TASOR2: variants seen among roughly 807,000 people sequenced by gnomAD.
The protein encoded by TASOR2 is transcription activation suppressor family member 2, also known as protein TASOR 2.
Under a neutral mutation model 199.5 loss-of-function variants are expected in TASOR2, and 84 were observed. That is an observed-to-expected ratio of 0.42 (90% confidence interval 0.35 to 0.50). TASOR2 has a LOEUF of 0.50. TASOR2 is among the 20% of genes least tolerant of loss of function. TASOR2 has a pLI of 0.02. For synonymous variants in TASOR2, 1,103 were observed against 1,046.6 expected, an observed-to-expected ratio of 1.05 and a Z score of -1.04; for missense variants, 2,796 against 2,835.9, an observed-to-expected ratio of 0.99 and a Z score of 0.32.
chr10:5,749,969 GTACCTT>G (rs769242419), exon 15 of TASOR2: 20 of 1,613,624 alleles, frequency 1.2e-5, no homozygotes, highest in Non-Finnish European at 1.6e-5. Flanking sequence ...GCTTGTAAAA[GTACCTT>G]CCTGTTCTAC....
intron 7 of TASOR2, 74 bp downstream of exon 8, chr10:5,723,851 T>C (rs1458367021): frequency 1.1e-6 from 1 of 890,420 alleles, no homozygotes; most frequent in Non-Finnish European, 1.7e-6. Context: ...TTCCAAACAC[T>C]CACACATGCA....
At chr10:5,697,612 G>C (rs980738335) in intron 1 of TASOR2, among the ~76,000 whole-genome samples, 1 of 152,120 alleles carries the variant, frequency 6.6e-6, no homozygotes, top group Non-Finnish European at 1.5e-5. Flanking sequence ...GTGTCTCTAA[G>C]AGGCAAGCAG....
Position 5,742,249 on chromosome 10 carries a change from A to C in TASOR2, c.2480A>C (p.Asn827Thr). 1 of 1,614,208 alleles carries C rather than the reference A, an allele frequency of 6.2e-7. No individual in the cohort carries two copies. Among genetic ancestry groups the C allele is most frequent in the Non-Finnish European group, 8.5e-7 (1 of 1,180,028 alleles). The change falls in exon 14 of 21, where the codon AAT (asparagine) becomes ACT (threonine). Residue 827 changes from asparagine to threonine, a missense_variant. This residue lies in a region of TASOR2 where 1,941 missense variants were observed against 1,924.9 expected (regional missense o/e 1.01). Transcript: ENST00000328090. This position sits in a 1 kb window ranked among gnomAD's most constrained non-coding sequence, Gnocchi z 4.2. ...AACCCAGCAAAATATGTGTCTATAA[A>C]TAGCACGTTAGAATCTTGTGAGCTC...
intron 8 of TASOR2, 58 bp from the exon 10 acceptor site, chr10:5,726,827 G>A: frequency 6.8e-7 from 1 of 1,462,336 alleles, no homozygotes. Flanking sequence ...TATGGGTAGA[G>A]GGAGAAGAGA....
chr10:5,696,328 C>G (rs528686323), intron 1 of TASOR2, among the ~76,000 whole-genome samples: 1 of 152,206 alleles, frequency 6.6e-6, no homozygotes, highest in East Asian at 1.9e-4. Flanking sequence ...GGTCAGGAAG[C>G]ATTGTTCACG....
chr10:5,738,600 C>T lies in TASOR2; in HGVS notation c.1448-1018C>T, dbSNP rs78298071. The stretch of plus-strand genomic sequence containing the variant: ...ACCCTTTCCCCATGTATGTGCATGC[C>T]CTTGTCGTTCTAATTGATGACATCA... On this transcript the variant is annotated intron_variant, in intron 12 of 20. Transcript: ENST00000328090. This position sits in a 1 kb window ranked among gnomAD's most constrained non-coding sequence, Gnocchi z 4.7. Among the ~76,000 whole-genome samples, 156 of 152,226 alleles carry T rather than the reference C, an allele frequency of 1.0e-3. No homozygotes were observed. Among genetic ancestry groups the T allele is most frequent in the Non-Finnish European group, 1.8e-3 (124 of 68,008 alleles).
intron 1 of TASOR2, among the ~76,000 whole-genome samples, chr10:5,707,726 T>TCACACACACACA (rs5782856): frequency 7.7e-6 from 1 of 129,112 alleles, no homozygotes; most frequent in African/African-American, 3.2e-5. Context: ...TCACTCATTT[T>TCACACACACACA]CACACACACA....
Position 5,748,828 on chromosome 10 carries a change from G to T in TASOR2, c.5407G>T (p.Ala1803Ser). 6.2e-7 allele frequency: 1 copy of T among 1,614,198 alleles called. No individual in the cohort carries two copies. The highest frequency in any genetic ancestry group is 8.5e-7 in the Non-Finnish European group (1 of 1,180,044). ...TGAGAACAGTGGGGAGGGGCTCAGG[G>T]CTGAGGCTGGTTCTGAAACCCTAGG... The change falls in exon 15 of 21, where the codon GCT (alanine) becomes TCT (serine). Residue 1803 changes from alanine to serine, a missense_variant. Physicochemically the swap from Ala to Ser is moderately conservative, Grantham distance 99. This residue lies in a region of TASOR2 where 1,941 missense variants were observed against 1,924.9 expected (regional missense o/e 1.01). Coordinates refer to ENST00000328090, the Ensembl canonical transcript of TASOR2. This position sits in a 1 kb window ranked among gnomAD's most constrained non-coding sequence, Gnocchi z 5.1.
At position 5,742,338 on chromosome 10, in the gene TASOR2, G is replaced by A. The variant is rs760417967; in HGVS notation, c.2569G>A (p.Glu857Lys). ...TGCAGACTCTCTGTTGGAGACTAACGAAATTTCCAGGGCTCATGCTGCTGA... is the reference window on the plus strand; with the variant it reads ...TGCAGACTCTCTGTTGGAGACTAACAAAATTTCCAGGGCTCATGCTGCTGA... The change falls in exon 14 of 21, where the codon GAA (glutamate) becomes AAA (lysine). Residue 857 changes from glutamate (E) to lysine (K), a missense_variant. By Grantham distance (56) the Glu-to-Lys change is moderately conservative. Coordinates refer to ENST00000328090, the Ensembl canonical transcript of TASOR2. The surrounding 1 kb of genome is among the most constrained non-coding windows in gnomAD (Gnocchi z 4.2). 11 of 1,614,150 alleles carry A rather than the reference G, an allele frequency of 6.8e-6. No individual in the cohort carries two copies. In the Middle Eastern group the frequency reaches 4.9e-4, roughly 73 times the overall value.
In TASOR2 at chr10:5,762,512, T is replaced by G. The variant is rs1277008863; in HGVS notation, c.7175-20T>G. The stretch of plus-strand genomic sequence containing the variant: ...CATTAATTATATTAACCAAAAGTTG[T>G]TTTTTTTTTTTTTTAACAGACAAGC... On this transcript the variant is annotated intron_variant, in intron 19 of 20. Transcript: ENST00000328090. 4.4e-5 allele frequency: 18 copies of G among 411,482 alleles called. 1 individual carries two copies. The highest frequency in any genetic ancestry group is 6.4e-5 in the Non-Finnish European group (17 of 265,492). The allele number at this position is 411,482 out of a possible 1,614,324, so 25.5% of individuals were successfully genotyped here.
intron 1 of TASOR2, among the ~76,000 whole-genome samples, chr10:5,688,417 T>C (rs1045935768): frequency 9.4e-5 from 11 of 117,078 alleles, no homozygotes; most frequent in African/African-American, 2.9e-4. Context: ...TTTTTTTTTT[T>C]TTTGTAGAGA....
intron 1 of TASOR2, among the ~76,000 whole-genome samples, chr10:5,692,446 C>T (rs1195239772): frequency 1.3e-5 from 2 of 152,120 alleles, no homozygotes; most frequent in Non-Finnish European, 2.9e-5. Flanking sequence ...AAACCATCCT[C>T]CTAGTGGGGT....
chr10:5,697,638 C>T (rs1224189252), intron 1 of TASOR2, among the ~76,000 whole-genome samples: 1 of 152,054 alleles, frequency 6.6e-6, no homozygotes, highest in African/African-American at 2.4e-5. Context: ...GCAATAAAGG[C>T]CCTCCTGAAC....
rs1425050209 is a variant in TASOR2 at position 5,685,861 on chromosome 10, T to C, written c.-288+686T>C. Among the ~76,000 whole-genome samples the C allele has an allele frequency of 6.6e-6, 1 of 152,238 alleles. No homozygotes were observed. Among genetic ancestry groups the C allele is most frequent in the Non-Finnish European group, 1.5e-5 (1 of 68,034 alleles). Reference sequence around the variant, plus strand: ...AACAAACCACGCTTACTCTTCCTTATTCTCCCTGTAAGGTACAATTAGAAT... The same window carrying C: ...AACAAACCACGCTTACTCTTCCTTACTCTCCCTGTAAGGTACAATTAGAAT... On this transcript the variant is annotated intron_variant, in intron 1 of 20. Coordinates refer to ENST00000328090, the Ensembl canonical transcript of TASOR2. The surrounding 1 kb of genome is among the most constrained non-coding windows in gnomAD (Gnocchi z 5.4).
At chr10:5,746,085 T>G in intron 14 of TASOR2, 94 bp from the exon 16 acceptor site, 1 of 1,343,782 alleles carries the variant, frequency 7.4e-7, no homozygotes, top group Non-Finnish European at 9.9e-7. Context: ...CTAAAATTAA[T>G]TTTTATCTTT....
At chr10:5,723,043 CTT>C (rs1183983010) in intron 6 of TASOR2, among the ~76,000 whole-genome samples, 6,805 of 71,604 alleles carry the variant, frequency 0.095, 64 homozygotes, top group South Asian at 0.11. Context: ...CAGGAAATAA[CTT>C]TTTTTTTTTT....
intron 15 of TASOR2, among the ~76,000 whole-genome samples, chr10:5,753,653 C>T (rs1172291528): frequency 1.3e-5 from 2 of 152,186 alleles, no homozygotes; most frequent in African/African-American, 4.8e-5. Context: ...AGCCACTCCG[C>T]CCAGCCTGTT....
In TASOR2 at chr10:5,720,907, A is replaced by C. The variant is rs1331508108; in HGVS notation, c.83A>C (p.Gln28Pro). The C allele has an allele frequency of 6.2e-7, 1 of 1,613,410 alleles. No homozygotes were observed. The highest frequency in any genetic ancestry group is 1.1e-5 in the South Asian group (1 of 90,824). ...CCATGGAAAGGGAAATTAATTGTTC[A>C]AGACCGTATGCTATGTGATATAGCT... Residue 28 changes from glutamine to proline, a missense_variant, in exon 6 of 21, where the codon CAA becomes CCA. Physicochemically the swap from Gln to Pro is moderately conservative, Grantham distance 76. This residue lies in a region of TASOR2 where 847 missense variants were observed against 887.4 expected (regional missense o/e 0.95). Coordinates refer to ENST00000328090, the Ensembl canonical transcript of TASOR2. The surrounding 1 kb of genome is among the most constrained non-coding windows in gnomAD (Gnocchi z 5.3).
chr10:5,729,197 A>G (rs201405627), intron 10 of TASOR2, among the ~76,000 whole-genome samples: 5 of 152,164 alleles, frequency 3.3e-5, no homozygotes, highest in Non-Finnish European at 5.9e-5. Flanking sequence ...AAAAATACAA[A>G]AATTAGTTAG....
Sources: gnomAD v4.1 joint callset for allele counts (sites outside exome capture counted in the v4.1 genomes callset) on GRCh38, gnomAD v4.1.1 for gene constraint, gnomAD v4.1.1 regional missense constraint, Gnocchi (gnomAD v3.1) non-coding constraint, MANE v1.5 for transcripts, NCBI Gene and HGNC (gene_info 2026-07-23, HGNC 2026-07-21) for gene names.